SNX7: variants seen among roughly 807,000 people sequenced by gnomAD.
SNX7 encodes the protein sorting nexin 7.
A neutral mutation model predicts 48.4 loss-of-function variants in SNX7; 35 were observed. The ratio of observed to expected loss-of-function variants is 0.72; its 90% CI spans 0.55 to 0.96. The LOEUF (loss-of-function observed/expected upper bound fraction) is 0.96, where lower values mean the gene tolerates loss of function less well. Among genes scored for constraint, SNX7 ranks in the 40% least tolerant of loss-of-function variants. SNX7 has a pLI of 0.00. For missense variants in SNX7, 553 were observed against 548.9 expected, an observed-to-expected ratio of 1.01 and a Z score of -0.07; for synonymous variants, 190 against 190.2, an observed-to-expected ratio of 1.00 and a Z score of 0.01.
At chr1:98,724,931 T>TAA (rs1465823212) in intron 7 of SNX7, among the ~76,000 whole-genome samples, 1 of 152,202 alleles carries the variant, frequency 6.6e-6, no homozygotes, top group African/African-American at 2.4e-5. Context: ...ATCATCATGC[T>TAA]AAAGTATATT....
intron 2 of SNX7, among the ~76,000 whole-genome samples, chr1:98,687,746 C>T (rs1047919527): frequency 2.6e-5 from 4 of 151,986 alleles, no homozygotes; most frequent in South Asian, 2.1e-4. Flanking sequence ...TTTATAAAGG[C>T]GGGACATTTA....
chr1:98,669,742 A>G (rs1247976207), intron 1 of SNX7, among the ~76,000 whole-genome samples: 1 of 152,222 alleles, frequency 6.6e-6, no homozygotes, highest in Non-Finnish European at 1.5e-5. Context: ...GGGCAGTGAA[A>G]CAAAACCTTT....
Position 98,691,097 on chromosome 1 carries a change from C to G in SNX7, c.386C>G (p.Ser129Cys). The G allele has an allele frequency of 1.2e-6, 2 of 1,606,218 alleles. No homozygotes were observed. Among genetic ancestry groups the G allele is most frequent in the Non-Finnish European group, 1.7e-6 (2 of 1,175,572 alleles). Residue 129 changes from serine (S) to cysteine (C), a missense_variant, in exon 3 of 9, where the codon TCC becomes TGC. Coordinates refer to ENST00000306121, the MANE Select transcript of SNX7 (RefSeq NM_015976.5). ...CAGACATCTCGTGGGGAATTTGACT[C>G]CAGTGAATTTGAAGTTAGGAGACGA... ...ITKTSRGEFDSSEFEVRRRYQ... is the reference protein window; with the variant it reads ...ITKTSRGEFDCSEFEVRRRYQ...
chr1:98,727,231 A>G (rs1485402242), intron 7 of SNX7, among the ~76,000 whole-genome samples: 2 of 152,128 alleles, frequency 1.3e-5, no homozygotes, highest in Non-Finnish European at 2.9e-5. Flanking sequence ...TTAAAAAATG[A>G]TTGTTTACTT....
chr1:98,719,357 A>T (rs1021529230), intron 7 of SNX7, among the ~76,000 whole-genome samples: 3 of 152,104 alleles, frequency 2.0e-5, no homozygotes, highest in African/African-American at 7.2e-5. Context: ...CTCCACCCGC[A>T]GTCTTGTTAA....
At chr1:98,662,120 C>G (rs1342722841) in intron 1 of SNX7, 2 of 408,576 alleles carry the variant, frequency 4.9e-6, no homozygotes, top group Non-Finnish European at 8.3e-6. Flanking sequence ...AAACCGCAGC[C>G]GCTCCCTCCT....
At chr1:98,666,461 C>G (rs1331180988) in intron 1 of SNX7, among the ~76,000 whole-genome samples, 1 of 152,116 alleles carries the variant, frequency 6.6e-6, no homozygotes, top group East Asian at 1.9e-4. Flanking sequence ...TTCCTCTCCT[C>G]CTGCCTTTGG....
At chr1:98,662,271 C>G (rs1649280586) in intron 1 of SNX7, 2 of 175,674 alleles carry the variant, frequency 1.1e-5, no homozygotes, top group Admixed American at 1.2e-4. Flanking sequence ...GGCTCAAAAC[C>G]GCTCCCGCCA....
intron 2 of SNX7, among the ~76,000 whole-genome samples, chr1:98,687,058 A>G (rs6577235): frequency 0.89 from 136,011 of 152,104 alleles, 61,606 homozygotes; most frequent in Non-Finnish European, 0.96. Flanking sequence ...ATATGAAAAT[A>G]TATAAACTAG....
intron 8 of SNX7, among the ~76,000 whole-genome samples, chr1:98,750,108 C>G (rs1654508555): frequency 1.3e-5 from 2 of 151,772 alleles, no homozygotes; most frequent in Admixed American, 1.3e-4. Context: ...TTTACATATT[C>G]TATAATAATA....
At chr1:98,665,146 C>T (rs375431081) in intron 1 of SNX7, among the ~76,000 whole-genome samples, 25 of 152,118 alleles carry the variant, frequency 1.6e-4, no homozygotes, top group African/African-American at 6.0e-4. Flanking sequence ...ATCTGGTACT[C>T]AGTAAATGAT....
At chr1:98,723,234 A>G (rs1652978988) in intron 7 of SNX7, among the ~76,000 whole-genome samples, 1 of 152,206 alleles carries the variant, frequency 6.6e-6, no homozygotes, top group Non-Finnish European at 1.5e-5. Context: ...TTATCTGGGA[A>G]CTATTATTTA....
At chr1:98,702,413 A>G (rs751164549) in intron 7 of SNX7, among the ~76,000 whole-genome samples, 15 of 152,266 alleles carry the variant, frequency 9.9e-5, no homozygotes, top group South Asian at 2.1e-4. Flanking sequence ...TAATAATACA[A>G]TGAGCTCTCA....
intron 1 of SNX7, among the ~76,000 whole-genome samples, chr1:98,676,523 G>T (rs1353334602): frequency 1.3e-5 from 2 of 152,070 alleles, no homozygotes; most frequent in African/African-American, 4.8e-5. Context: ...AGCATATCCT[G>T]TGATAATCTC....
At chr1:98,728,350 A>G in intron 7 of SNX7, among the ~76,000 whole-genome samples, 1 of 152,206 alleles carries the variant, frequency 6.6e-6, no homozygotes, top group Non-Finnish European at 1.5e-5. Context: ...GGAATTCATC[A>G]CCACCAGGCC....
chr1:98,759,441 C>A (rs1655010845), intron 8 of SNX7, among the ~76,000 whole-genome samples: 1 of 152,052 alleles, frequency 6.6e-6, no homozygotes, highest in Non-Finnish European at 1.5e-5. Flanking sequence ...CAGACCCTTA[C>A]AATCCTGTTT....
chr1:98,709,753 C>A (rs1652202666), intron 7 of SNX7, among the ~76,000 whole-genome samples: 1 of 152,076 alleles, frequency 6.6e-6, no homozygotes, highest in Non-Finnish European at 1.5e-5. Flanking sequence ...AGTTACTAGA[C>A]TATTGAGAGC....
At chr1:98,700,579 C>T (rs1434024203) in intron 6 of SNX7, among the ~76,000 whole-genome samples, 1 of 151,140 alleles carries the variant, frequency 6.6e-6, no homozygotes, top group Non-Finnish European at 1.5e-5. Flanking sequence ...TGGTCTCACT[C>T]TGTTGCACAG....
chr1:98,755,365 TC>T (rs1654791195), intron 8 of SNX7, among the ~76,000 whole-genome samples: 1 of 152,114 alleles, frequency 6.6e-6, no homozygotes, highest in Non-Finnish European at 1.5e-5. Context: ...GTCCACACAT[TC>T]TGTCAGTTCT....
Sources: allele counts gnomAD v4.1 joint callset (sites outside exome capture counted in the v4.1 genomes callset), GRCh38; gene constraint gnomAD v4.1.1; transcripts MANE v1.5; gene names NCBI Gene and HGNC (gene_info 2026-07-23, HGNC 2026-07-21).